Variants in GALNT17 observed in about 807,000 individuals in gnomAD.
The protein encoded by GALNT17 is UDP-GalNAc:polypeptide N-acetylgalactosaminyltransferase-like 3.
Under a neutral mutation model 63.7 loss-of-function variants are expected in GALNT17, and 29 were observed. That is an observed-to-expected ratio of 0.46 (90% CI 0.34 to 0.62). The LOEUF (loss-of-function observed/expected upper bound fraction) is 0.62. GALNT17 is among the 20% of genes least tolerant of loss of function. The pLI is 0.01. For missense variants in GALNT17, 603 were observed against 799.6 expected, an observed-to-expected ratio of 0.75 and a Z score of 2.97; for synonymous variants, 305 against 318.3, an observed-to-expected ratio of 0.96 and a Z score of 0.45.
chr7:71,508,514 G>A (rs1366525452), intron 5 of GALNT17, among the ~76,000 whole-genome samples: 1 of 152,230 alleles, frequency 6.6e-6, no homozygotes, highest in South Asian at 2.1e-4. Context: ...TTGGAAGCTA[G>A]AGCAGTCATT....
At chr7:71,310,429 G>A (rs1271982538) in intron 1 of GALNT17, among the ~76,000 whole-genome samples, 6 of 152,156 alleles carry the variant, frequency 3.9e-5, no homozygotes, top group Non-Finnish European at 8.8e-5. Context: ...AGAAGAACAC[G>A]TAGCACTGTC....
intron 5 of GALNT17, among the ~76,000 whole-genome samples, chr7:71,529,745 G>A (rs1315668532): frequency 6.6e-6 from 1 of 152,214 alleles, no homozygotes. Flanking sequence ...CATGCCACAT[G>A]TAACTACTCT....
chr7:71,359,236 G>A (rs1028639230), intron 2 of GALNT17, among the ~76,000 whole-genome samples: 1 of 152,212 alleles, frequency 6.6e-6, no homozygotes, highest in East Asian at 1.9e-4. Flanking sequence ...TGTACGAGAA[G>A]CATGACACCA....
rs1479702113 is a variant in GALNT17, at chr7:71,292,664, AGAGAGTGTGTGTGTGTGTGTGT to A, written c.239-42884_239-42863del. Reference sequence around the variant, plus strand: ...GAGAGAGAGAGAGACAGAGAGAGAGAGAGAGTGTGTGTGTGTGTGTGTGTGTGTGTGTGTGTGTGTGTGTGTG... The same window carrying A: ...GAGAGAGAGAGAGACAGAGAGAGAGAGTGTGTGTGTGTGTGTGTGTGTGTG... On this transcript the variant is annotated intron_variant, in intron 1 of 10. Transcript: ENST00000333538. Among the ~76,000 whole-genome samples the A allele has an allele frequency of 3.5e-5, 4 of 114,250 alleles. No homozygotes were observed. The South Asian group carries it at 8.6e-4, about 25-fold the overall frequency. The allele number at this position is 114,250 out of a possible 152,430, so 75.0% of individuals were successfully genotyped here.
At chr7:71,335,224 T>C (rs959067812) in intron 1 of GALNT17, among the ~76,000 whole-genome samples, 2 of 152,172 alleles carry the variant, frequency 1.3e-5, no homozygotes, top group Non-Finnish European at 2.9e-5. Context: ...TTCTGTCTCC[T>C]GGGCTCAAGA....
intron 1 of GALNT17, among the ~76,000 whole-genome samples, chr7:71,303,159 AG>A (rs1264013795): frequency 1.7e-5 from 1 of 59,808 alleles, no homozygotes. Flanking sequence ...CACTGCACCC[AG>A]CCTTTTTTTT....
chr7:71,704,995 A>G (rs1791703291), intron 9 of GALNT17, among the ~76,000 whole-genome samples: 1 of 152,218 alleles, frequency 6.6e-6, no homozygotes, highest in African/African-American at 2.4e-5. Context: ...AAATAACCAA[A>G]GAAAAAAATA....
rs112790904 is a variant in GALNT17 at position 71,298,005 on chromosome 7, G to C, written c.239-37545G>C. On this transcript the variant is annotated intron_variant, in intron 1 of 10. Transcript: ENST00000333538. ...ATGTTTATGGTTGTCAAACCTCGTT[G>C]AACTCAAGAGTTGTGTATTTTCTTT... 3.4e-3 allele frequency among the ~76,000 whole-genome samples: 523 copies of C among 152,232 alleles called. 5 individuals carry two copies. Among genetic ancestry groups the C allele is most frequent in the African/African-American group, 0.012 (493 of 41,554 alleles).
At chr7:71,587,863 T>G (rs963490363) in intron 6 of GALNT17, among the ~76,000 whole-genome samples, 3 of 152,238 alleles carry the variant, frequency 2.0e-5, no homozygotes, top group African/African-American at 7.2e-5. Context: ...ATGCAGATTA[T>G]GTGTAATAAA....
chr7:71,341,878 G>C (rs576796494), intron 2 of GALNT17, among the ~76,000 whole-genome samples: 1 of 152,284 alleles, frequency 6.6e-6, no homozygotes, highest in East Asian at 1.9e-4. Context: ...CCATGTAGCA[G>C]ACCAAGAGAT....
chr7:71,307,261 C>T (rs1259577014), intron 1 of GALNT17, among the ~76,000 whole-genome samples: 1 of 152,138 alleles, frequency 6.6e-6, no homozygotes, highest in Non-Finnish European at 1.5e-5. Context: ...ATCAGCCGTG[C>T]ACAAGGTACC....
At chr7:71,140,813 G>T (rs1231713948) in intron 1 of GALNT17, among the ~76,000 whole-genome samples, 1 of 148,636 alleles carries the variant, frequency 6.7e-6, no homozygotes, top group African/African-American at 2.5e-5. Context: ...CTTGAGACCA[G>T]GAGTTTGAGA....
At position 71,393,183 on chromosome 7, in the gene GALNT17, C is replaced by T. The variant is rs149230478; in HGVS notation, c.589+4782C>T. 3.5e-3 allele frequency among the ~76,000 whole-genome samples: 539 copies of T among 152,240 alleles called. 2 individuals carry two copies. The highest frequency in any genetic ancestry group is 6.3e-3 in the Non-Finnish European group (431 of 68,016). ...GCTTCATTAATAGTGATGGTTGTTA[C>T]CATTATGTAATGCTCTCTTTATCTT... On this transcript the variant is annotated intron_variant, in intron 3 of 10. Transcript: ENST00000333538.
intron 5 of GALNT17, among the ~76,000 whole-genome samples, chr7:71,466,955 A>C (rs1256882915): frequency 6.6e-6 from 1 of 151,532 alleles, no homozygotes. Context: ...CCTTGGGCAC[A>C]TGTGCTCAAG....
At chr7:71,503,108 T>G (rs1788206551) in intron 5 of GALNT17, among the ~76,000 whole-genome samples, 1 of 152,214 alleles carries the variant, frequency 6.6e-6, no homozygotes, top group African/African-American at 2.4e-5. Context: ...CCCATGATTC[T>G]GTCCACAGCT....
At chr7:71,448,736 G>A (rs917360319) in intron 5 of GALNT17, among the ~76,000 whole-genome samples, 3 of 152,118 alleles carry the variant, frequency 2.0e-5, no homozygotes, top group Non-Finnish European at 4.4e-5. Context: ...GCAAAAGGAT[G>A]CATTACTATT....
At chr7:71,201,048 G>A (rs747547557) in intron 1 of GALNT17, among the ~76,000 whole-genome samples, 9 of 151,582 alleles carry the variant, frequency 5.9e-5, no homozygotes, top group Non-Finnish European at 2.9e-5. Flanking sequence ...GGGCTTAATG[G>A]TTTTTCTTTG....
At chr7:71,627,813 C>T (rs1790395963) in intron 6 of GALNT17, among the ~76,000 whole-genome samples, 1 of 152,192 alleles carries the variant, frequency 6.6e-6, no homozygotes, top group African/African-American at 2.4e-5. Flanking sequence ...CCCCCCGCCC[C>T]ATAGACTTGT....
chr7:71,438,322 G>A (rs1226639957), intron 5 of GALNT17, among the ~76,000 whole-genome samples: 1 of 152,192 alleles, frequency 6.6e-6, no homozygotes, highest in African/African-American at 2.4e-5. Context: ...CAGTCTGGGA[G>A]GCTAAGCTAG....
Sources: gnomAD v4.1 joint callset for allele counts (sites outside exome capture counted in the v4.1 genomes callset) on GRCh38, gnomAD v4.1.1 for gene constraint, MANE v1.5 for transcripts, NCBI Gene and HGNC (gene_info 2026-07-23, HGNC 2026-07-21) for gene names.